Variants in GPATCH2L observed in about 807,000 individuals in gnomAD.
The protein encoded by GPATCH2L is G patch domain-containing protein 2-like.
GPATCH2L carries 31 observed loss-of-function variants against 57.4 expected under a neutral mutation model. The ratio of observed to expected loss-of-function variants is 0.54; its 90% CI spans 0.41 to 0.73. GPATCH2L has a LOEUF of 0.73. Ranked by LOEUF, GPATCH2L falls within the 30% of genes least tolerant of loss-of-function variation. The pLI, the probability that GPATCH2L is intolerant of heterozygous loss-of-function variation, is 0.00. For missense variants in GPATCH2L, 481 were observed against 599.9 expected (o/e 0.80, Z 2.07); for synonymous variants, 199 against 210.7 (o/e 0.94, Z 0.48).
At chr14:76,152,452 A>C in intron 1 of GPATCH2L, 1 of 313,194 alleles carries the variant, frequency 3.2e-6, no homozygotes, top group Non-Finnish European at 6.4e-6. Context: ...CCAAATGAGC[A>C]GTTGCCTCCT....
rs2040394892 is a variant in GPATCH2L, at chr14:76,207,715, C to CA, written c.*5865dup. 1 of 152,106 alleles carries CA rather than the reference C, an allele frequency of 6.6e-6. No homozygotes were observed. Among genetic ancestry groups the CA allele is most frequent in the African/African-American group, 2.4e-5 (1 of 41,424 alleles). The allele number at this position is 152,106 out of a possible 1,614,324, so 9.4% of individuals were successfully genotyped here. A position where few individuals can be genotyped will look rare whatever the true frequency, so the allele number is the denominator to read the frequency against. On this transcript the variant is annotated 3_prime_UTR_variant, in exon 10 of 10. Transcript: ENST00000261530. ...TTTTAGATTTCAGCTAGCAATTTTG[C>CA]AGGGGTTGGAGACCAATAGCGATGT...
At chr14:76,216,462 A>C (rs1311642557), downstream of GPATCH2L, among the ~76,000 whole-genome samples, 1 of 152,242 alleles carries the variant, frequency 6.6e-6, no homozygotes, top group Admixed American at 6.5e-5. Flanking sequence ...AGATAAAGTT[A>C]TGAATATGAA....
chr14:76,171,250 T>G (rs756725234), intron 3 of GPATCH2L, among the ~76,000 whole-genome samples: 1 of 145,370 alleles, frequency 6.9e-6, no homozygotes, highest in African/African-American at 2.6e-5. Context: ...CTGGGCAACA[T>G]AAGGAGACCC....
intron 8 of GPATCH2L, among the ~76,000 whole-genome samples, chr14:76,185,046 C>T (rs986837874): frequency 1.2e-4 from 19 of 152,204 alleles, no homozygotes; most frequent in Non-Finnish European, 2.9e-5. Context: ...CTGGACTTCT[C>T]TTAGCTTTGG....
In GPATCH2L at chr14:76,235,218, C is replaced by A. The variant is rs371291080; in HGVS notation, c.*117+5265C>A. ...GAAAATGAATACAGTAGACATTCAC[C>A]AAACTATATTGAATTGAATGACTGA... On this transcript the variant is annotated intron_variant and NMD_transcript_variant, in intron 2 of 3. Transcript: ENST00000556372. Among the ~76,000 whole-genome samples, 11 of 151,664 alleles carry A rather than the reference C, an allele frequency of 7.3e-5. No individual in the cohort carries two copies. The East Asian group carries it at 1.5e-3, about 21-fold the overall frequency.
intron 2 of GPATCH2L, chr14:76,229,994 A>T (rs2040553539): frequency 6.6e-6 from 1 of 152,186 alleles, no homozygotes; most frequent in South Asian, 2.1e-4. Context: ...GTTATAGTCT[A>T]TTGCCTATAG....
At chr14:76,189,374 A>G (rs573596279) in intron 8 of GPATCH2L, among the ~76,000 whole-genome samples, 23 of 147,446 alleles carry the variant, frequency 1.6e-4, no homozygotes, top group African/African-American at 5.5e-4. Flanking sequence ...GTCTTCTTCA[A>G]TTTCTTTCAT....
chr14:76,192,193 C>G (rs756649897), intron 8 of GPATCH2L, among the ~76,000 whole-genome samples: 10 of 145,508 alleles, frequency 6.9e-5, no homozygotes, highest in Non-Finnish European at 1.0e-4. Context: ...CCTCTTCCTT[C>G]TTTGTCCTCT....
intron 5 of GPATCH2L, chr14:76,174,381 A>G (rs2039228161): frequency 1.3e-5 from 2 of 152,228 alleles, no homozygotes; most frequent in Non-Finnish European, 2.9e-5. Flanking sequence ...GTCAGAGAAG[A>G]TGGTGGTGGG....
rs554405234 is a variant in GPATCH2L at position 76,226,219 on chromosome 14, A to C, written c.66-3589A>C. ...GGAAATGATACCAACACCCATCAACAGGGTAATGAATTCATAAGTTGTGTT... is the reference window on the plus strand; with the variant it reads ...GGAAATGATACCAACACCCATCAACCGGGTAATGAATTCATAAGTTGTGTT... On this transcript the variant is annotated intron_variant and NMD_transcript_variant, in intron 1 of 3. Transcript: ENST00000556372. 5.3e-5 allele frequency among the ~76,000 whole-genome samples: 8 copies of C among 152,364 alleles called. No homozygotes were observed. The East Asian group carries it at 1.5e-3, about 29-fold the overall frequency.
At chr14:76,157,661 G>A (rs978348963) in intron 2 of GPATCH2L, among the ~76,000 whole-genome samples, 3 of 126,092 alleles carry the variant, frequency 2.4e-5, no homozygotes, top group African/African-American at 8.2e-5. Flanking sequence ...GCTTAGCCTA[G>A]TCAATGGTAG....
rs1165763421 is a variant in GPATCH2L at position 76,177,972 on chromosome 14, G to T, written c.1053-16G>T. 3 of 1,603,696 alleles carry T rather than the reference G, an allele frequency of 1.9e-6. No homozygotes were observed. The highest frequency in any genetic ancestry group is 1.7e-5 in the Admixed American group (1 of 59,924). The stretch of plus-strand genomic sequence containing the variant: ...TTTGTCATCTTTATTTTATCATTTG[G>T]TTTCCTTTTCTTTAGAAAGAATAAA... On this transcript the variant is annotated splice_polypyrimidine_tract_variant and intron_variant, in intron 6 of 9. Transcript: ENST00000261530.
intron 2 of GPATCH2L, among the ~76,000 whole-genome samples, chr14:76,163,155 CT>C (rs1461871370): frequency 3.9e-5 from 6 of 152,212 alleles, no homozygotes; most frequent in Admixed American, 1.3e-4. Context: ...TACCCTGGCT[CT>C]GATGCTTACT....
rs535011618 is a variant in GPATCH2L at position 76,232,223 on chromosome 14, A to T, written c.*117+2270A>T. On this transcript the variant is annotated intron_variant and NMD_transcript_variant, in intron 2 of 3. Transcript: ENST00000556372. ...CACTGCACCAGGCTTTCATGTTAAT[A>T]TATATTTTTATAAGTGCTATATTTA... Among the ~76,000 whole-genome samples, 26 of 152,274 alleles carry T rather than the reference A, an allele frequency of 1.7e-4. No homozygotes were observed. In the South Asian group the frequency reaches 5.4e-3, roughly 32 times the overall value.
At chr14:76,158,552 T>A (rs1234007289) in intron 2 of GPATCH2L, among the ~76,000 whole-genome samples, 4 of 152,356 alleles carry the variant, frequency 2.6e-5, no homozygotes, top group African/African-American at 7.2e-5. Context: ...TAACACTCTA[T>A]AGCAGTAGCT....
In GPATCH2L at chr14:76,201,732, G is replaced by A. The variant is rs2040314370; in HGVS notation, c.1330G>A (p.Ala444Thr). 1 of 1,613,730 alleles carries A rather than the reference G, an allele frequency of 6.2e-7. No homozygotes were observed. ...AVEPTTPASQ[A>T]PKSPSSEWLV... ...GGAGCCAACCACACCAGCATCACAAGCCCCCAAATCACCCAGCTCTGAGTG... is the reference window on the plus strand; with the variant it reads ...GGAGCCAACCACACCAGCATCACAAACCCCCAAATCACCCAGCTCTGAGTG... The change falls in exon 10 of 10, where the codon GCC becomes ACC. Residue 444 changes from alanine (A) to threonine (T), a missense_variant. By Grantham distance (58) the Ala-to-Thr change is moderately conservative (BLOSUM62 0). Transcript: ENST00000261530.
intron 2 of GPATCH2L, among the ~76,000 whole-genome samples, chr14:76,233,148 C>T (rs944196210): frequency 2.6e-5 from 4 of 152,176 alleles, no homozygotes; most frequent in Non-Finnish European, 1.5e-5. Context: ...TTTTGAGGGT[C>T]AATTCTTAGG....
At chr14:76,193,047 G>A (rs1183096712) in intron 8 of GPATCH2L, among the ~76,000 whole-genome samples, 1 of 152,064 alleles carries the variant, frequency 6.6e-6, no homozygotes, top group Non-Finnish European at 1.5e-5. Context: ...GGGTGGTGGT[G>A]GAAGGACCAC....
In GPATCH2L at chr14:76,213,184, T is replaced by C. The variant is rs1337864114; in HGVS notation, c.*11333T>C. ...GTAGTAAAATATGTAACATTTTAGCTAACATTACAAGAGAAGACAAACACA... is the reference window on the plus strand; with the variant it reads ...GTAGTAAAATATGTAACATTTTAGCCAACATTACAAGAGAAGACAAACACA... On this transcript the variant is annotated 3_prime_UTR_variant, in exon 10 of 10. Coordinates refer to ENST00000261530, the MANE Select transcript of GPATCH2L (RefSeq NM_017926.4). 1.3e-5 allele frequency: 2 copies of C among 152,120 alleles called. No individual in the cohort carries two copies. The highest frequency in any genetic ancestry group is 4.8e-5 in the African/African-American group (2 of 41,438). 9.4% of individuals were successfully genotyped at this position (152,120 alleles called of 1,614,324 possible).
Sources: allele counts gnomAD v4.1 joint callset (sites outside exome capture counted in the v4.1 genomes callset), GRCh38; gene constraint gnomAD v4.1.1; transcripts MANE v1.5; gene names NCBI Gene and HGNC (gene_info 2026-07-23, HGNC 2026-07-21).